Variants in PDE4D observed in about 807,000 individuals in gnomAD.
PDE4D encodes 3',5'-cyclic-AMP phosphodiesterase 4D.
PDE4D carries 24 observed loss-of-function variants against 87.4 expected under a neutral mutation model. That is an observed-to-expected ratio of 0.27 (90% CI 0.20 to 0.39). PDE4D has a LOEUF of 0.39. PDE4D is among the 10% of genes least tolerant of loss of function. The pLI is 1.00. For synonymous variants in PDE4D, 384 were observed against 383.2 expected (o/e 1.00, Z -0.02); for missense variants, 714 against 1,041.0 (o/e 0.69, Z 4.32).
intron 1 of PDE4D, among the ~76,000 whole-genome samples, chr5:59,358,162 G>T (rs1052307613): frequency 6.6e-6 from 1 of 152,192 alleles, no homozygotes; most frequent in Admixed American, 6.5e-5. Context: ...GACACCAGGG[G>T]TTCTTAAGAA....
rs928928025 is a variant in PDE4D at position 59,430,536 on chromosome 5, C to T, written c.456-214568G>A. 2.5e-5 allele frequency: 19 copies of T among 764,316 alleles called. 2 individuals are homozygous for T. In the South Asian group the frequency reaches 2.8e-4, roughly 11 times the overall value. 47.3% of individuals were successfully genotyped at this position (764,316 alleles called of 1,614,324 possible). On this transcript the variant is annotated intron_variant, in intron 1 of 14. Transcript: ENST00000340635. Reference sequence around the variant, plus strand: ...AGACATATGCTGCTCACTGGTTGCCCGGTGCTTCTTTGCTTCAAAAGTAAA... The same window carrying T: ...AGACATATGCTGCTCACTGGTTGCCTGGTGCTTCTTTGCTTCAAAAGTAAA...
intron 1 of PDE4D, among the ~76,000 whole-genome samples, chr5:60,202,261 C>G (rs1221991789): frequency 6.6e-6 from 1 of 152,084 alleles, no homozygotes; most frequent in Non-Finnish European, 1.5e-5. Context: ...TGCCTGGGCT[C>G]AAGTGATCCT....
chr5:59,257,000 C>T lies in PDE4D; in HGVS notation c.456-41032G>A, dbSNP rs115521674. 2.0e-3 allele frequency among the ~76,000 whole-genome samples: 309 copies of T among 152,006 alleles called. 1 individual carries two copies. Among genetic ancestry groups the T allele is most frequent in the African/African-American group, 7.1e-3 (295 of 41,464 alleles). On this transcript the variant is annotated intron_variant, in intron 1 of 14. Coordinates refer to ENST00000340635, the MANE Select transcript of PDE4D (RefSeq NM_001104631.2). ...AACAATGAATGTGCAGATTATGCTC[C>T]ATTTTGTATAAAGAGGGGGGATGAG...
At chr5:59,685,709 A>G (rs544466706) in intron 1 of PDE4D, among the ~76,000 whole-genome samples, 1 of 150,908 alleles carries the variant, frequency 6.6e-6, no homozygotes, top group Non-Finnish European at 1.5e-5. Context: ...CATTTTATCT[A>G]ATTAAAAATA....
At chr5:60,137,897 C>T (rs1780188808) in intron 2 of PDE4D, among the ~76,000 whole-genome samples, 1 of 151,938 alleles carries the variant, frequency 6.6e-6, no homozygotes, top group Admixed American at 6.6e-5. Context: ...AGATTTTCTT[C>T]CAGGATTTTT....
At chr5:60,363,719 A>C (rs974272664) in intron 1 of PDE4D, among the ~76,000 whole-genome samples, 8 of 152,198 alleles carry the variant, frequency 5.3e-5, no homozygotes, top group African/African-American at 1.9e-4. Context: ...TTGAGACCCA[A>C]ATGAAAAGAA....
At chr5:60,276,831 G>A (rs1028759130) in intron 1 of PDE4D, among the ~76,000 whole-genome samples, 10 of 150,996 alleles carry the variant, frequency 6.6e-5, no homozygotes, top group Non-Finnish European at 1.2e-4. Flanking sequence ...TTTGCTCTGA[G>A]GTCTACCTTA....
intron 2 of PDE4D, among the ~76,000 whole-genome samples, chr5:60,018,382 A>G (rs146951058): frequency 2.0e-3 from 297 of 152,278 alleles, no homozygotes; most frequent in African/African-American, 6.8e-3. Flanking sequence ...CCACTGCAAA[A>G]CCATACCAAA....
intron 5 of PDE4D, among the ~76,000 whole-genome samples, chr5:59,120,226 T>C (rs1485625101): frequency 6.6e-6 from 1 of 152,078 alleles, no homozygotes; most frequent in Non-Finnish European, 1.5e-5. Context: ...TCTGAAAAGA[T>C]TCATTATTTC....
intron 1 of PDE4D, among the ~76,000 whole-genome samples, chr5:60,238,357 A>G (rs1746667312): frequency 6.6e-6 from 1 of 152,028 alleles, no homozygotes; most frequent in Non-Finnish European, 1.5e-5. Flanking sequence ...ATTTCAAAAT[A>G]ATGCTAGAAT....
At chr5:60,505,526 C>T (rs375482574) in intron 1 of PDE4D, among the ~76,000 whole-genome samples, 3 of 152,156 alleles carry the variant, frequency 2.0e-5, no homozygotes, top group African/African-American at 4.8e-5. Flanking sequence ...AATACAGCCA[C>T]GGGACTTGCA....
chr5:60,435,293 G>T (rs1257976985), intron 1 of PDE4D, among the ~76,000 whole-genome samples: 1 of 151,992 alleles, frequency 6.6e-6, no homozygotes, highest in Admixed American at 6.6e-5. Context: ...CAAACAACTA[G>T]AGCATATATT....
intron 1 of PDE4D, chr5:60,460,448 T>G: frequency 6.7e-7 from 1 of 1,498,896 alleles, no homozygotes; most frequent in Non-Finnish European, 9.3e-7. Context: ...TTGACAAATG[T>G]TGTTACCCCA....
At position 58,974,556 on chromosome 5, in the gene PDE4D, G is replaced by T; in HGVS notation, c.*108C>A. 1 of 1,070,118 alleles carries T rather than the reference G, an allele frequency of 9.3e-7. No homozygotes were observed. Among genetic ancestry groups the T allele is most frequent in the Non-Finnish European group, 1.3e-6 (1 of 744,944 alleles). 66.3% of individuals were successfully genotyped at this position (1,070,118 alleles called of 1,614,324 possible). A position where few individuals can be genotyped will look rare whatever the true frequency, so the allele number is the denominator to read the frequency against. ...TCAAGGTCAGTTTTGTTCAACAAAC[G>T]TCCTGGCAGATGACAGTGAGGTGTG... is the stretch of plus-strand genomic sequence containing the variant. On this transcript the variant is annotated 3_prime_UTR_variant, in exon 15 of 15. Transcript: ENST00000340635.
intron 2 of PDE4D, among the ~76,000 whole-genome samples, chr5:60,082,437 T>A (rs2152904576): frequency 1.3e-5 from 2 of 152,306 alleles, no homozygotes; most frequent in East Asian, 3.9e-4. Flanking sequence ...GTTTGTTGCT[T>A]AAGCCACCTA....
At chr5:60,165,020 T>C (rs1057042448) in intron 2 of PDE4D, among the ~76,000 whole-genome samples, 1 of 152,184 alleles carries the variant, frequency 6.6e-6, no homozygotes, top group African/African-American at 2.4e-5. Flanking sequence ...TTTGTATCCT[T>C]TGACCATTTG....
chr5:60,046,945 C>A (rs1234009756), intron 2 of PDE4D, among the ~76,000 whole-genome samples: 1 of 152,060 alleles, frequency 6.6e-6, no homozygotes, highest in East Asian at 1.9e-4. Flanking sequence ...AGGAATGGTA[C>A]CAGCTCCTCC....
intron 1 of PDE4D, among the ~76,000 whole-genome samples, chr5:59,248,790 G>A (rs1759371909): frequency 6.6e-6 from 1 of 152,018 alleles, no homozygotes; most frequent in Non-Finnish European, 1.5e-5. Context: ...GCAAAGTAGG[G>A]CACATGTAAC....
At chr5:60,299,574 C>T (rs919346702) in intron 1 of PDE4D, among the ~76,000 whole-genome samples, 1 of 152,096 alleles carries the variant, frequency 6.6e-6, no homozygotes, top group Non-Finnish European at 1.5e-5. Context: ...CCCCCACAGG[C>T]CCCAGTGTGT....
Sources: allele counts gnomAD v4.1 joint callset (sites outside exome capture counted in the v4.1 genomes callset), GRCh38; gene constraint gnomAD v4.1.1; transcripts MANE v1.5; gene names NCBI Gene and HGNC (gene_info 2026-07-23, HGNC 2026-07-21).